The following MAF variants were observed in gnomAD, a reference collection of about 807,000 sequenced individuals.
MAF encodes the protein MAF bZIP transcription factor, also known as transcription factor Maf.
A neutral mutation model predicts 22.0 loss-of-function variants in MAF; 10 were observed. The observed-to-expected ratio is 0.45, with a 90% CI of 0.28 to 0.77. The LOEUF (loss-of-function observed/expected upper bound fraction) is 0.77, where lower values mean the gene tolerates loss of function less well. Ranked by LOEUF, MAF falls within the 30% of genes least tolerant of loss-of-function variation. MAF has a pLI of 0.12. For missense variants in MAF, 544 were observed against 548.4 expected, an observed-to-expected ratio of 0.99 and a Z score of 0.08; for synonymous variants, 337 against 255.8, an observed-to-expected ratio of 1.32 and a Z score of -3.03.
the MAF span, among the ~76,000 whole-genome samples, chr16:79,461,935 G>C: frequency 1.3e-5 from 2 of 152,108 alleles, no homozygotes; most frequent in Non-Finnish European, 2.9e-5. Context: ...TAGGAGGTTG[G>C]AGGACAACAG....
At chr16:79,433,478 C>T in the MAF span, among the ~76,000 whole-genome samples, 1 of 151,658 alleles carries the variant, frequency 6.6e-6, no homozygotes, top group East Asian at 1.9e-4. Context: ...GAATGTGGCT[C>T]TGAGCTTCTT....
At chr16:79,411,357 A>C in the MAF span, among the ~76,000 whole-genome samples, 1 of 152,190 alleles carries the variant, frequency 6.6e-6, no homozygotes, top group Non-Finnish European at 1.5e-5. Flanking sequence ...AAATAATTCT[A>C]ATTCCTGTAT....
chr16:79,370,243 GT>G, the MAF span, among the ~76,000 whole-genome samples: 1 of 152,146 alleles, frequency 6.6e-6, no homozygotes, highest in Admixed American at 6.5e-5. Context: ...AAGGTAATTG[GT>G]TTTTTGAGTT....
At chr16:79,256,503 C>G in the MAF span, among the ~76,000 whole-genome samples, 1 of 152,200 alleles carries the variant, frequency 6.6e-6, no homozygotes, top group Non-Finnish European at 1.5e-5. Flanking sequence ...TCTCTGCTAT[C>G]TTGCACTGCC....
the MAF span, among the ~76,000 whole-genome samples, chr16:79,476,738 T>C: frequency 9.1e-4 from 138 of 152,264 alleles, 1 homozygote; most frequent in Non-Finnish European, 1.4e-3. Flanking sequence ...GCTGACAAGA[T>C]GACAGTGAGT....
At chr16:79,570,456 C>T in the MAF span, among the ~76,000 whole-genome samples, 6 of 152,326 alleles carry the variant, frequency 3.9e-5, no homozygotes, top group South Asian at 1.0e-3. Context: ...CATAACCTCT[C>T]CATTTTCCAA....
chr16:79,433,927 G>T, the MAF span, among the ~76,000 whole-genome samples: 1 of 152,142 alleles, frequency 6.6e-6, no homozygotes, highest in African/African-American at 2.4e-5. Context: ...CTTTAGATGG[G>T]ACATAGGCCA....
chr16:79,281,647 C>G, the MAF span, among the ~76,000 whole-genome samples: 1 of 148,420 alleles, frequency 6.7e-6, no homozygotes, highest in African/African-American at 2.5e-5. Flanking sequence ...CTCCCAGGTT[C>G]AAGCGATTCT....
the MAF span, among the ~76,000 whole-genome samples, chr16:79,294,758 A>G: frequency 4.6e-5 from 7 of 152,330 alleles, no homozygotes; most frequent in Non-Finnish European, 7.3e-5. Context: ...CAAAGTCTGC[A>G]CTGGTTGCAC....
At chr16:79,276,924 G>A in the MAF span, among the ~76,000 whole-genome samples, 8 of 152,200 alleles carry the variant, frequency 5.3e-5, no homozygotes, top group East Asian at 1.9e-4. Flanking sequence ...TGGTGGCGGC[G>A]GGCAATCCTT....
chr16:79,254,793 G>A, the MAF span, among the ~76,000 whole-genome samples: 8 of 152,248 alleles, frequency 5.3e-5, no homozygotes, highest in South Asian at 1.5e-3. Flanking sequence ...AACTACAGCA[G>A]ATGAACTCTA....
the MAF span, among the ~76,000 whole-genome samples, chr16:79,508,920 T>C: frequency 2.0e-5 from 3 of 152,054 alleles, no homozygotes; most frequent in Non-Finnish European, 2.9e-5. Flanking sequence ...TGGGGGGAAA[T>C]GTTTTGGAAC....
At chr16:79,231,222 A>G in the MAF span, among the ~76,000 whole-genome samples, 1 of 152,056 alleles carries the variant, frequency 6.6e-6, no homozygotes, top group Non-Finnish European at 1.5e-5. Flanking sequence ...GGGACAGGAT[A>G]TCTCAAGTGC....
In MAF at chr16:79,598,505, C is replaced by T. The variant is rs1913718049; in HGVS notation, c.1118+280G>A. 23 of 1,323,998 alleles carry T rather than the reference C, an allele frequency of 1.7e-5. No homozygotes were observed. The South Asian group carries it at 2.9e-4, about 17-fold the overall frequency. The allele number at this position is 1,323,998 out of a possible 1,614,324, so 82.0% of individuals were successfully genotyped here. ...CAAGTTATGGAGAATTTCAGATTGGCAATCCATGAGCCAGACACCCATTCC... is the reference window on the plus strand; with the variant it reads ...CAAGTTATGGAGAATTTCAGATTGGTAATCCATGAGCCAGACACCCATTCC... On this transcript the variant is annotated intron_variant, in intron 1 of 1. Transcript: ENST00000326043.
chr16:79,383,176 C>A, the MAF span, among the ~76,000 whole-genome samples: 1 of 152,078 alleles, frequency 6.6e-6, no homozygotes, highest in African/African-American at 2.4e-5. Flanking sequence ...GAAAGAAATG[C>A]TCAGACTGGA....
chr16:79,544,391 A>G, the MAF span, among the ~76,000 whole-genome samples: 1 of 152,194 alleles, frequency 6.6e-6, no homozygotes, highest in African/African-American at 2.4e-5. Flanking sequence ...GTTTTACTGG[A>G]CAGCACTGAT....
the MAF span, among the ~76,000 whole-genome samples, chr16:79,530,991 C>G: frequency 2.1e-4 from 32 of 152,334 alleles, no homozygotes; most frequent in Non-Finnish European, 3.4e-4. Flanking sequence ...TTGCCCTAGA[C>G]TTGCCTGCCA....
chr16:79,577,797 T>A, the MAF span, among the ~76,000 whole-genome samples: 42 of 152,332 alleles, frequency 2.8e-4, 1 homozygote, highest in South Asian at 3.9e-3. Context: ...TGATTAAATA[T>A]TATGGTGCAA....
the MAF span, among the ~76,000 whole-genome samples, chr16:79,361,168 G>A: frequency 6.6e-6 from 1 of 152,202 alleles, no homozygotes; most frequent in South Asian, 2.1e-4. Context: ...TATGCAGGGA[G>A]AACTTTTCTG....
Sources: allele counts gnomAD v4.1 joint callset (sites outside exome capture counted in the v4.1 genomes callset), GRCh38; gene constraint gnomAD v4.1.1; transcripts MANE v1.5; gene names NCBI Gene and HGNC (gene_info 2026-07-23, HGNC 2026-07-21).